The following CDKN2A variants were observed in gnomAD, a reference collection of about 807,000 sequenced individuals.
CDKN2A encodes cyclin-dependent kinase inhibitor 2A.
Under a neutral mutation model 11.1 loss-of-function variants are expected in CDKN2A, and 3 were observed. The observed-to-expected ratio is 0.27, with a 90% CI of 0.12 to 0.70. The LOEUF (loss-of-function observed/expected upper bound fraction) is 0.70, where lower values mean the gene tolerates loss of function less well. Among genes scored for constraint, CDKN2A ranks in the 30% least tolerant of loss-of-function variants. CDKN2A has a pLI of 0.77. For missense variants in CDKN2A, 265 were observed against 233.6 expected, an observed-to-expected ratio of 1.13 and a Z score of -0.88; for synonymous variants, 122 against 108.1, an observed-to-expected ratio of 1.13 and a Z score of -0.80.
chr9:21,994,297 C>T lies in CDKN2A; in HGVS notation c.-175-244G>A, dbSNP rs201877069. ...CACTCGCGGCGGGCCGCACGCGCGC[C>T]GAATCCGGAGGGTCACCAAGAACCT... On this transcript the variant is annotated intron_variant, in intron 1 of 3. Coordinates refer to the CDKN2A transcript ENST00000494262. 1.9e-6 allele frequency: 3 copies of T among 1,604,276 alleles called. No homozygotes were observed. The highest frequency in any genetic ancestry group is 2.6e-6 in the Non-Finnish European group (3 of 1,176,040).
chr9:21,971,461 G>T, intron 1 of CDKN2A: 1 of 1,081,334 alleles, frequency 9.2e-7, no homozygotes, highest in Non-Finnish European at 1.3e-6. Flanking sequence ...GTGAGGCACG[G>T]GCAAAATAGC....
upstream of CDKN2A, among the ~76,000 whole-genome samples, chr9:21,977,222 A>C (rs1325198984): frequency 6.6e-6 from 1 of 152,222 alleles, no homozygotes; most frequent in East Asian, 1.9e-4. Flanking sequence ...GGAAAATTCA[A>C]ACTATCGATA....
chr9:21,974,990 C>T (rs1432276275), upstream of CDKN2A: 9 of 1,387,958 alleles, frequency 6.5e-6, no homozygotes, highest in Admixed American at 2.8e-4. This position sits in a 1 kb window ranked among gnomAD's most constrained non-coding sequence, Gnocchi z 5.2. Flanking sequence ...CTGGAGGGAC[C>T]GCGGTATCTT....
At position 21,971,575 on chromosome 9, in the gene CDKN2A, A is replaced by ATTTTTTTTTTTTTTTTTT. The variant is rs59981968; in HGVS notation, c.151-368_151-367insAAAAAAAAAAAAAAAAAA. ...TCCTGAAATTATGTTAGGCCTGGAGATTTTTTTTTTTTTTTTTGTTCACTG... is the reference window on the plus strand; with the variant it reads ...TCCTGAAATTATGTTAGGCCTGGAGATTTTTTTTTTTTTTTTTTTTTTTTTTTTTTTTTTTGTTCACTG... On this transcript the variant is annotated intron_variant, in intron 1 of 2. Transcript: ENST00000304494. 7.3e-3 allele frequency among the ~76,000 whole-genome samples: 810 copies of ATTTTTTTTTTTTTTTTTT among 111,214 alleles called. 50 individuals carry two copies. The highest frequency in any genetic ancestry group is 0.022 in the African/African-American group (492 of 22,830). The allele number at this position is 111,214 out of a possible 152,430, so 73.0% of individuals were successfully genotyped here.
intron 2 of CDKN2A, among the ~76,000 whole-genome samples, chr9:21,993,559 C>T (rs1395031903): frequency 1.3e-5 from 2 of 152,136 alleles, no homozygotes; most frequent in Non-Finnish European, 2.9e-5. Context: ...GCAAAACTCC[C>T]CCAAGAAGCA....
At chr9:21,993,277 G>A (rs1820477358) in intron 2 of CDKN2A, among the ~76,000 whole-genome samples, 1 of 152,122 alleles carries the variant, frequency 6.6e-6, no homozygotes, top group African/African-American at 2.4e-5. Context: ...CAGTTTTCCT[G>A]GTTATAGGAA....
chr9:21,978,233 A>G (rs989845068), upstream of CDKN2A, among the ~76,000 whole-genome samples: 52 of 152,212 alleles, frequency 3.4e-4, no homozygotes, highest in African/African-American at 1.3e-3. Flanking sequence ...AAACCTGCAC[A>G]TTGTGCACAT....
chr9:21,983,591 T>C (rs1036813940), intron 2 of CDKN2A, among the ~76,000 whole-genome samples: 1 of 152,086 alleles, frequency 6.6e-6, no homozygotes, highest in Non-Finnish European at 1.5e-5. Context: ...CTTGAATATA[T>C]TGTAAAACTG....
intron 2 of CDKN2A, chr9:21,992,412 C>T: frequency 1.0e-6 from 1 of 984,562 alleles, no homozygotes; most frequent in Non-Finnish European, 1.2e-6. Context: ...TCTATCCAAG[C>T]TGTGTTCTAT....
At chr9:21,986,411 T>C (rs1182499975) in intron 2 of CDKN2A, among the ~76,000 whole-genome samples, 4 of 152,026 alleles carry the variant, frequency 2.6e-5, no homozygotes, top group African/African-American at 4.8e-5. Flanking sequence ...ATACGGCTGA[T>C]GCTTGAGTAT....
chr9:21,968,755 A>G lies in CDKN2A; in HGVS notation c.458-513T>C. 1 of 1,535,236 alleles carries G rather than the reference A, an allele frequency of 6.5e-7. No individual in the cohort carries two copies. Among genetic ancestry groups the G allele is most frequent in the Non-Finnish European group, 8.7e-7 (1 of 1,146,802 alleles). Reference sequence around the variant, plus strand: ...CATGCCTGCTTCTACAAACCCACAAATGGTTTCCGATCATTTCTGAAACAA... The same window carrying G: ...CATGCCTGCTTCTACAAACCCACAAGTGGTTTCCGATCATTTCTGAAACAA... On this transcript the variant is annotated intron_variant, in intron 2 of 2. Transcript: ENST00000304494. The surrounding 1 kb of genome is among the most constrained non-coding windows in gnomAD (Gnocchi z 4.7).
rs1456557403 is a variant in CDKN2A at position 21,968,644 on chromosome 9, G to A, written c.458-402C>T. On this transcript the variant is annotated intron_variant, in intron 2 of 2. Transcript: ENST00000304494. This position sits in a 1 kb window ranked among gnomAD's most constrained non-coding sequence, Gnocchi z 4.7. ...CATCCCCAGGCATCTTTTGCACCTGGTGCGGAGTGAGCCAGCCAGCTTGCG... is the reference window on the plus strand; with the variant it reads ...CATCCCCAGGCATCTTTTGCACCTGATGCGGAGTGAGCCAGCCAGCTTGCG... The A allele has an allele frequency of 6.5e-7, 1 of 1,531,226 alleles. No individual in the cohort carries two copies. The highest frequency in any genetic ancestry group is 8.7e-7 in the Non-Finnish European group (1 of 1,144,092). The allele number at this position is 1,531,226 out of a possible 1,614,324, so 94.9% of individuals were successfully genotyped here. A position where few individuals can be genotyped will look rare whatever the true frequency, so the allele number is the denominator to read the frequency against.
At chr9:21,975,948 G>A (rs1820016926), upstream of CDKN2A, among the ~76,000 whole-genome samples, 2 of 152,198 alleles carry the variant, frequency 1.3e-5, no homozygotes. Context: ...CTTTATAGGG[G>A]TTGTTGTGAG....
rs372266620 is a variant in CDKN2A at position 21,971,189 on chromosome 9, G to T, written c.170C>A (p.Ala57Asp). The T allele has an allele frequency of 6.9e-6, 11 of 1,597,598 alleles. No homozygotes were observed. The Middle Eastern group carries it at 6.6e-4, about 96-fold the overall frequency. Reference protein sequence around the residue: ...RPIQVMMMGSARVAELLLLHG... With the variant: ...RPIQVMMMGSDRVAELLLLHG... ...GAGCAGCAGCAGCTCCGCCACTCGG[G>T]CGCTGCCCATCATCATGACCTGCCA... The change falls in exon 2 of 3, where the codon GCC becomes GAC. Residue 57 changes from alanine to aspartate, a missense_variant. Transcript: ENST00000304494.
At chr9:21,981,418 T>C (rs960256960) in intron 2 of CDKN2A, among the ~76,000 whole-genome samples, 15 of 151,788 alleles carry the variant, frequency 9.9e-5, no homozygotes, top group South Asian at 2.1e-4. Flanking sequence ...GAGCGAGATA[T>C]ATGCCCTGTA....
At chr9:21,990,611 TGAGAGAGAGAGAGAGAGAGAGA>T (rs60431211) in intron 2 of CDKN2A, among the ~76,000 whole-genome samples, 2 of 89,676 alleles carry the variant, frequency 2.2e-5, no homozygotes, top group African/African-American at 7.6e-5. Flanking sequence ...ACTAATTTGG[TGAGAGAGAGAGAGAGAGAGAGA>T]GAGAGAGAGA....
In CDKN2A at chr9:21,968,404, C is replaced by T; in HGVS notation, c.458-162G>A. 3 of 975,666 alleles carry T rather than the reference C, an allele frequency of 3.1e-6. No homozygotes were observed. Among genetic ancestry groups the T allele is most frequent in the South Asian group, 9.5e-5 (2 of 21,116 alleles). The allele number at this position is 975,666 out of a possible 1,614,324, so 60.4% of individuals were successfully genotyped here. ...TGTACCCGCCGCCACCGCTCTCCCA[C>T]ACCTCCCTGGTCCAGCAGCTAGTCC... On this transcript the variant is annotated intron_variant, in intron 2 of 2. Transcript: ENST00000304494. The surrounding 1 kb of genome is among the most constrained non-coding windows in gnomAD (Gnocchi z 4.7).
rs759061855 is a variant in CDKN2A at position 21,974,615 on chromosome 9, T to A, written c.150+63A>T. ...AAGCGCTACCTGATTCCAATTCCCC[T>A]GCAAACTTCGTCCTCCAGAGTCGCC... On this transcript the variant is annotated intron_variant, in intron 1 of 2. Transcript: ENST00000304494. The surrounding 1 kb of genome is among the most constrained non-coding windows in gnomAD (Gnocchi z 5.2). The A allele has an allele frequency of 5.0e-6, 8 of 1,614,142 alleles. No homozygotes were observed. Among genetic ancestry groups the A allele is most frequent in the Non-Finnish European group, 6.8e-6 (8 of 1,179,998 alleles).
intron 2 of CDKN2A, chr9:21,992,160 T>C (rs1258799291): frequency 8.6e-6 from 7 of 815,902 alleles, no homozygotes; most frequent in Non-Finnish European, 1.0e-5. Flanking sequence ...AATAACATCT[T>C]ATTTGCAATG....
Sources: gnomAD v4.1 joint callset for allele counts (sites outside exome capture counted in the v4.1 genomes callset) on GRCh38, gnomAD v4.1.1 for gene constraint, Gnocchi (gnomAD v3.1) non-coding constraint, MANE v1.5 for transcripts, NCBI Gene and HGNC (gene_info 2026-07-23, HGNC 2026-07-21) for gene names.